The following NRG3 variants were observed in gnomAD, a reference collection of about 807,000 sequenced individuals.
NRG3 encodes pro-neuregulin-3, membrane-bound isoform.
A neutral mutation model predicts 66.9 loss-of-function variants in NRG3; 31 were observed. The ratio of observed to expected loss-of-function variants is 0.46; its 90% confidence interval spans 0.35 to 0.63. The LOEUF (loss-of-function observed/expected upper bound fraction) is 0.63, where lower values mean the gene tolerates loss of function less well. NRG3 is among the 20% of genes least tolerant of loss of function. NRG3 has a pLI of 0.00. For missense variants in NRG3, 910 were observed against 878.9 expected, an observed-to-expected ratio of 1.04 and a Z score of -0.45; for synonymous variants, 393 against 359.4, an observed-to-expected ratio of 1.09 and a Z score of -1.06.
At chr10:82,298,409 A>T (rs550575794) in intron 1 of NRG3, among the ~76,000 whole-genome samples, 3 of 152,318 alleles carry the variant, frequency 2.0e-5, no homozygotes, top group Non-Finnish European at 4.4e-5. Flanking sequence ...AATTTTGTTA[A>T]CATTTAGCTT....
chr10:82,941,479 A>G (rs553199127), intron 4 of NRG3, among the ~76,000 whole-genome samples: 1 of 152,214 alleles, frequency 6.6e-6, no homozygotes, highest in East Asian at 1.9e-4. Context: ...ACTGCTTATA[A>G]GCTCCTAATA....
intron 1 of NRG3, among the ~76,000 whole-genome samples, chr10:82,354,097 C>T (rs1247270436): frequency 1.4e-5 from 2 of 143,572 alleles, no homozygotes; most frequent in African/African-American, 2.6e-5. Context: ...TGCAGTGGCG[C>T]AATACCAGCT....
At chr10:82,028,303 C>A (rs1405042367) in intron 1 of NRG3, among the ~76,000 whole-genome samples, 3 of 152,066 alleles carry the variant, frequency 2.0e-5, no homozygotes, top group Non-Finnish European at 4.4e-5. Flanking sequence ...AAAACAAAAA[C>A]CCCCATTAGA....
chr10:82,678,739 C>T (rs551197289), intron 2 of NRG3, among the ~76,000 whole-genome samples: 85 of 151,996 alleles, frequency 5.6e-4, no homozygotes, highest in African/African-American at 1.1e-3. Flanking sequence ...AGAGCAACAG[C>T]GGACATTACC....
intron 1 of NRG3, among the ~76,000 whole-genome samples, chr10:81,979,187 CAAAAAAA>C (rs34468792): frequency 1.2e-5 from 1 of 81,980 alleles, no homozygotes; most frequent in Non-Finnish European, 2.6e-5. Context: ...GACTCCGTCT[CAAAAAAA>C]AAAAAAAAAA....
At chr10:82,950,995 G>T (rs928742041) in intron 4 of NRG3, among the ~76,000 whole-genome samples, 22 of 149,202 alleles carry the variant, frequency 1.5e-4, no homozygotes, top group African/African-American at 4.8e-4. Context: ...GTCAATCATA[G>T]TGATAGTAGG....
intron 1 of NRG3, among the ~76,000 whole-genome samples, chr10:82,187,556 T>G (rs906652460): frequency 6.6e-6 from 1 of 152,172 alleles, no homozygotes; most frequent in African/African-American, 2.4e-5. Flanking sequence ...GTGAGAAGGA[T>G]AAAACCCAGG....
intron 1 of NRG3, among the ~76,000 whole-genome samples, chr10:82,047,190 A>G (rs1459569051): frequency 6.6e-6 from 1 of 151,548 alleles, no homozygotes; most frequent in Non-Finnish European, 1.5e-5. Context: ...CTGTGAATCC[A>G]TCTGGTCCTG....
At chr10:81,933,909 A>C (rs1847623879) in intron 1 of NRG3, among the ~76,000 whole-genome samples, 1 of 152,264 alleles carries the variant, frequency 6.6e-6, no homozygotes, top group African/African-American at 2.4e-5. Context: ...GATGGTTAAA[A>C]GTAGTGACAG....
At chr10:82,042,073 A>G (rs988204914) in intron 1 of NRG3, among the ~76,000 whole-genome samples, 6 of 152,058 alleles carry the variant, frequency 3.9e-5, no homozygotes, top group African/African-American at 1.4e-4. Flanking sequence ...GTGGCCACTG[A>G]GATACAGTGC....
chr10:82,587,929 GTGT>G (rs1209507400), intron 2 of NRG3, among the ~76,000 whole-genome samples: 2 of 152,134 alleles, frequency 1.3e-5, no homozygotes, highest in Non-Finnish European at 1.5e-5. Flanking sequence ...TAGTTTTTTT[GTGT>G]TGTTTTACAA....
At chr10:82,451,137 T>C (rs2091001707) in intron 2 of NRG3, among the ~76,000 whole-genome samples, 1 of 152,196 alleles carries the variant, frequency 6.6e-6, no homozygotes, top group African/African-American at 2.4e-5. Context: ...ATTCAACTTA[T>C]ACACACCTCA....
intron 3 of NRG3, among the ~76,000 whole-genome samples, chr10:82,857,988 C>T (rs192051767): frequency 9.9e-5 from 15 of 152,260 alleles, no homozygotes; most frequent in African/African-American, 2.6e-4. Flanking sequence ...TTCTGCCTCG[C>T]TCACCAGGAG....
At chr10:82,780,002 G>A (rs1285724256) in intron 3 of NRG3, among the ~76,000 whole-genome samples, 1 of 151,704 alleles carries the variant, frequency 6.6e-6, no homozygotes, top group East Asian at 1.9e-4. Flanking sequence ...TTAGTTTGCT[G>A]AGAAAGATGG....
chr10:82,327,449 T>TTATG (rs1428808607), intron 1 of NRG3, among the ~76,000 whole-genome samples: 1 of 152,188 alleles, frequency 6.6e-6, no homozygotes, highest in African/African-American at 2.4e-5. Context: ...ATTTCTTGCT[T>TTATG]TATCTATCTA....
rs773755235 is a variant in NRG3 at position 82,559,330 on chromosome 10, G to A, written c.954-179247G>A. Reference sequence around the variant, plus strand: ...GGGAAGGAAGGAGAAGTTGAGAGGAGCCTTTAAACAGGCCTGACTTCCATG... The same window carrying A: ...GGGAAGGAAGGAGAAGTTGAGAGGAACCTTTAAACAGGCCTGACTTCCATG... On this transcript the variant is annotated intron_variant, in intron 2 of 8. Coordinates refer to ENST00000372141, the MANE Select transcript of NRG3 (RefSeq NM_001010848.4). Among the ~76,000 whole-genome samples, 9 of 152,256 alleles carry A rather than the reference G, an allele frequency of 5.9e-5. No homozygotes were observed. The South Asian group carries it at 1.9e-3, about 32-fold the overall frequency.
intron 2 of NRG3, among the ~76,000 whole-genome samples, chr10:82,568,568 T>C (rs2045552051): frequency 6.6e-6 from 1 of 151,788 alleles, no homozygotes; most frequent in African/African-American, 2.4e-5. Flanking sequence ...GCAAGTTTCA[T>C]GGTCATCCCA....
rs1244415068 is a variant in NRG3, at chr10:82,616,377, GT to G, written c.954-122195del. Among the ~76,000 whole-genome samples, 5 of 152,072 alleles carry G rather than the reference GT, an allele frequency of 3.3e-5. 1 individual carries two copies. The highest frequency in any genetic ancestry group is 4.4e-5 in the Non-Finnish European group (3 of 68,026). Reference sequence around the variant, plus strand: ...TCGCTTGTGTACAATTCTTTTTTCAGTTTTTCTATCTTACATTAAACTCATT... The same window carrying G: ...TCGCTTGTGTACAATTCTTTTTTCAGTTTTCTATCTTACATTAAACTCATT... On this transcript the variant is annotated intron_variant, in intron 2 of 8. Transcript: ENST00000372141.
At chr10:82,524,610 A>T (rs1476174741) in intron 2 of NRG3, among the ~76,000 whole-genome samples, 1 of 151,942 alleles carries the variant, frequency 6.6e-6, no homozygotes, top group East Asian at 1.9e-4. Flanking sequence ...TTTAGGTTAC[A>T]TATATATTCA....
Sources: gnomAD v4.1 joint callset for allele counts (sites outside exome capture counted in the v4.1 genomes callset) on GRCh38, gnomAD v4.1.1 for gene constraint, MANE v1.5 for transcripts, NCBI Gene and HGNC (gene_info 2026-07-23, HGNC 2026-07-21) for gene names.